Variants in PTPRG observed in about 807,000 individuals in gnomAD.
PTPRG encodes the protein receptor-type tyrosine-protein phosphatase gamma.
Under a neutral mutation model 165.3 loss-of-function variants are expected in PTPRG, and 102 were observed. The ratio of observed to expected loss-of-function variants is 0.62; its 90% confidence interval spans 0.53 to 0.73. PTPRG has a LOEUF of 0.73. PTPRG is among the 30% of genes least tolerant of loss of function. PTPRG has a pLI of 0.00. For missense variants in PTPRG, 1,866 were observed against 1,861.4 expected, an observed-to-expected ratio of 1.00 and a Z score of -0.05; for synonymous variants, 675 against 669.5, an observed-to-expected ratio of 1.01 and a Z score of -0.13.
chr3:61,622,303 C>A (rs1701481984), intron 1 of PTPRG, among the ~76,000 whole-genome samples: 1 of 152,106 alleles, frequency 6.6e-6, no homozygotes, highest in South Asian at 2.1e-4. Context: ...AGAAGACTTG[C>A]TTTGAAATTG....
chr3:61,900,456 C>T (rs986671549), intron 2 of PTPRG, among the ~76,000 whole-genome samples: 10 of 152,138 alleles, frequency 6.6e-5, no homozygotes, highest in African/African-American at 4.8e-5. Flanking sequence ...TGTAAATGGA[C>T]GCACACCTGC....
At chr3:61,946,491 C>T (rs1413670631) in intron 2 of PTPRG, among the ~76,000 whole-genome samples, 1 of 152,192 alleles carries the variant, frequency 6.6e-6, no homozygotes, top group Non-Finnish European at 1.5e-5. Flanking sequence ...AGCCTACATT[C>T]TTCTGTGGGC....
intron 23 of PTPRG, among the ~76,000 whole-genome samples, chr3:62,274,581 G>A (rs899865817): frequency 1.3e-4 from 20 of 152,022 alleles, no homozygotes; most frequent in African/African-American, 4.3e-4. Context: ...TTCTCCCTTT[G>A]TATCAAGATT....
intron 1 of PTPRG, among the ~76,000 whole-genome samples, chr3:61,695,689 C>T (rs1019745767): frequency 2.0e-5 from 3 of 152,118 alleles, no homozygotes; most frequent in Admixed American, 6.5e-5. Context: ...CATACATTTC[C>T]GTTGAAGATA....
intron 14 of PTPRG, among the ~76,000 whole-genome samples, chr3:62,232,571 A>G (rs1272274475): frequency 6.6e-6 from 1 of 152,226 alleles, no homozygotes; most frequent in East Asian, 1.9e-4. Flanking sequence ...ACCCAGCATC[A>G]CCTTATGAAT....
chr3:62,102,138 C>A (rs2106829347), intron 5 of PTPRG, among the ~76,000 whole-genome samples: 1 of 152,234 alleles, frequency 6.6e-6, no homozygotes, highest in South Asian at 2.1e-4. Flanking sequence ...TGTAAACTTC[C>A]TGAGGGGGTC....
intron 2 of PTPRG, among the ~76,000 whole-genome samples, chr3:61,796,218 T>C (rs1575670224): frequency 6.6e-6 from 1 of 152,162 alleles, no homozygotes; most frequent in African/African-American, 2.4e-5. Flanking sequence ...AGGAGGCTGA[T>C]GGTAGGTGGT....
chr3:62,188,093 G>A (rs892276709), intron 8 of PTPRG, among the ~76,000 whole-genome samples: 1 of 152,134 alleles, frequency 6.6e-6, no homozygotes, highest in African/African-American at 2.4e-5. Context: ...AAATTCTAGG[G>A]CCAGTCATGG....
At chr3:62,099,572 GA>G (rs1177932838) in intron 5 of PTPRG, among the ~76,000 whole-genome samples, 2 of 148,876 alleles carry the variant, frequency 1.3e-5, no homozygotes, top group South Asian at 2.1e-4. Flanking sequence ...AAGGTGGATG[GA>G]AAAAAAAAGA....
chr3:62,241,093 G>T (rs1198784116), intron 14 of PTPRG, among the ~76,000 whole-genome samples: 1 of 152,066 alleles, frequency 6.6e-6, no homozygotes, highest in East Asian at 1.9e-4. Context: ...AAGATTTTGG[G>T]TGTTTTTAAT....
chr3:61,995,567 T>TTG (rs1321434262), intron 3 of PTPRG, among the ~76,000 whole-genome samples: 2 of 151,382 alleles, frequency 1.3e-5, no homozygotes, highest in African/African-American at 4.9e-5. Context: ...AAAAGTGTGT[T>TTG]TGTGTGTGTG....
chr3:62,145,661 C>T (rs1165787372), intron 6 of PTPRG, among the ~76,000 whole-genome samples: 1 of 152,208 alleles, frequency 6.6e-6, no homozygotes, highest in Non-Finnish European at 1.5e-5. Context: ...GCAGCAGCCT[C>T]TCTGCTTCTG....
At chr3:61,656,245 TAAATA>T (rs1201661077) in intron 1 of PTPRG, among the ~76,000 whole-genome samples, 1 of 151,832 alleles carries the variant, frequency 6.6e-6, no homozygotes, top group Non-Finnish European at 1.5e-5. Flanking sequence ...AAAAAATAAA[TAAATA>T]AGAAAAACAA....
intron 2 of PTPRG, among the ~76,000 whole-genome samples, chr3:61,849,310 T>A (rs751010148): frequency 4.6e-5 from 7 of 152,230 alleles, no homozygotes; most frequent in Non-Finnish European, 8.8e-5. Flanking sequence ...GTTTGTTTTT[T>A]GCATTTCTTA....
intron 2 of PTPRG, among the ~76,000 whole-genome samples, chr3:61,779,750 T>G (rs141936096): frequency 4.7e-4 from 72 of 152,306 alleles, no homozygotes; most frequent in Middle Eastern, 3.4e-3. Flanking sequence ...ACCCACATTT[T>G]CTTATTTTCA....
At position 62,042,920 on chromosome 3, in the gene PTPRG, C is replaced by T. The variant is rs1700175385; in HGVS notation, c.520-35243C>T. Among the ~76,000 whole-genome samples the T allele has an allele frequency of 3.9e-5, 6 of 152,140 alleles. 1 individual carries two copies. In the South Asian group the frequency reaches 1.0e-3, roughly 26 times the overall value. On this transcript the variant is annotated intron_variant, in intron 4 of 29. Transcript: ENST00000474889. Reference sequence around the variant, plus strand: ...ACAGGATAGGAATTAGGGTTGTGACCTTTATCCTTTGACCCACATCTTAAA... The same window carrying T: ...ACAGGATAGGAATTAGGGTTGTGACTTTTATCCTTTGACCCACATCTTAAA...
intron 1 of PTPRG, among the ~76,000 whole-genome samples, chr3:61,693,355 G>A (rs1235200093): frequency 6.6e-6 from 1 of 152,170 alleles, no homozygotes; most frequent in African/African-American, 2.4e-5. Flanking sequence ...TGAGGTGTCC[G>A]TGAACTTGGC....
chr3:61,566,742 G>C (rs1349910390), intron 1 of PTPRG, among the ~76,000 whole-genome samples: 1 of 152,176 alleles, frequency 6.6e-6, no homozygotes, highest in African/African-American at 2.4e-5. Flanking sequence ...CCTGACCTCA[G>C]GTGCTCTGCC....
chr3:61,905,552 A>G (rs1575770673), intron 2 of PTPRG, among the ~76,000 whole-genome samples: 1 of 152,104 alleles, frequency 6.6e-6, no homozygotes, highest in Admixed American at 6.6e-5. Flanking sequence ...TTGTTCATCC[A>G]TTTCTTTGTT....
Sources: gnomAD v4.1 joint callset for allele counts (sites outside exome capture counted in the v4.1 genomes callset) on GRCh38, gnomAD v4.1.1 for gene constraint, MANE v1.5 for transcripts, NCBI Gene and HGNC (gene_info 2026-07-23, HGNC 2026-07-21) for gene names.